Variants in WDR59 observed in about 807,000 individuals in gnomAD.
The protein encoded by WDR59 is WD repeat domain 59, also known as GATOR2 complex protein WDR59.
WDR59 carries 100 observed loss-of-function variants against 131.2 expected under a neutral mutation model. The observed-to-expected ratio is 0.76, with a 90% CI of 0.65 to 0.90. The LOEUF is 0.90. WDR59 is among the 40% of genes least tolerant of loss of function. The pLI, the probability that WDR59 is intolerant of heterozygous loss-of-function variation, is 0.00. For missense variants in WDR59, 1,203 were observed against 1,262.2 expected, an observed-to-expected ratio of 0.95 and a Z score of 0.71; for synonymous variants, 601 against 466.2, an observed-to-expected ratio of 1.29 and a Z score of -3.72.
At chr16:74,886,211 G>A in intron 24 of WDR59, 59 bp downstream of exon 24, 2 of 1,429,240 alleles carry the variant, frequency 1.4e-6, no homozygotes, top group Non-Finnish European at 1.9e-6. Context: ...TGATTGTGGA[G>A]AAACTGGAGT....
Position 74,888,176 on chromosome 16 carries a change from C to T in WDR59, c.2339G>A (p.Ser780Asn). The T allele has an allele frequency of 6.2e-7, 1 of 1,602,406 alleles. No homozygotes were observed. Among genetic ancestry groups the T allele is most frequent in the Non-Finnish European group, 8.5e-7 (1 of 1,176,774 alleles). ...NRSSNLVVSH[S>N]RYPSFTSSGS... Reference sequence around the variant, plus strand: ...AGAAAAGGACAAACTTACATATCGACTATGGGACACCACAAGATTAGAAGA... The same window carrying T: ...AGAAAAGGACAAACTTACATATCGATTATGGGACACCACAAGATTAGAAGA... The change falls in exon 22 of 26, where the codon AGT becomes AAT. Residue 780 changes from serine (S) to asparagine (N), a missense_variant. Ser to Asn is a conservative substitution (Grantham distance 46, BLOSUM62 1). Coordinates refer to ENST00000262144, the MANE Select transcript of WDR59 (RefSeq NM_030581.4).
chr16:74,944,392 G>C (rs2032452749), intron 6 of WDR59, among the ~76,000 whole-genome samples: 1 of 151,344 alleles, frequency 6.6e-6, no homozygotes, highest in African/African-American at 2.4e-5. Context: ...CTTGAACCTA[G>C]TAGGGGGAGG....
At chr16:74,889,584 A>T (rs1432753434) in intron 21 of WDR59, 119 bp downstream of exon 21, 1 of 712,686 alleles carries the variant, frequency 1.4e-6, no homozygotes, top group Non-Finnish European at 2.4e-6. Flanking sequence ...GAAAGATCCT[A>T]CTCCTTCCTT....
Position 74,889,801 on chromosome 16 carries a change from A to G in WDR59, c.2097T>C (p.Ala699=). The G allele has an allele frequency of 1.9e-6, 3 of 1,614,114 alleles. No individual in the cohort carries two copies. Among genetic ancestry groups the G allele is most frequent in the Non-Finnish European group, 2.5e-6 (3 of 1,179,958 alleles). The change falls in exon 21 of 26, where the codon GCT becomes GCC. Residue 699 remains alanine (A), a synonymous_variant. Transcript: ENST00000262144. ...RKDLVQVWSL[A]TVATDLCLGP... The stretch of plus-strand genomic sequence containing the variant: ...CAAGGCAAAGATCTGTAGCTACCGT[A>G]GCCAGCGACCAAACCTGGACAGATC...
rs1163294118 is a variant in WDR59, at chr16:74,917,929, C to A, written c.966G>T (p.Arg322Ser). Residue 322 changes from arginine (R) to serine (S), a missense_variant and splice_region_variant, in exon 11 of 26, where the codon AGG becomes AGT. Transcript: ENST00000262144. ...CTCCACAATAGCACTGCATACATACCCTCTGCATCTGGGAATCCACCCGCC... is the reference window on the plus strand; with the variant it reads ...CTCCACAATAGCACTGCATACATACACTCTGCATCTGGGAATCCACCCGCC... Reference protein sequence around the residue: ...RMWRVDSQMQRLCANDILDGV... With the variant: ...RMWRVDSQMQSLCANDILDGV... 2.5e-6 allele frequency: 4 copies of A among 1,613,174 alleles called. No homozygotes were observed. Among genetic ancestry groups the A allele is most frequent in the Non-Finnish European group, 1.7e-6 (2 of 1,179,298 alleles).
At chr16:74,911,410 T>G (rs1334718674) in intron 14 of WDR59, among the ~76,000 whole-genome samples, 1 of 152,164 alleles carries the variant, frequency 6.6e-6, no homozygotes. Flanking sequence ...CGACCCAAAC[T>G]GGACAAAAAA....
intron 3 of WDR59, among the ~76,000 whole-genome samples, chr16:74,955,100 G>A (rs775358092): frequency 9.8e-5 from 15 of 152,316 alleles, no homozygotes; most frequent in Admixed American, 5.2e-4. Context: ...ACTTTAAAAT[G>A]ATTAATTGTG....
chr16:74,875,525 TACCC>T (rs138791629), intron 25 of WDR59, among the ~76,000 whole-genome samples: 2,673 of 152,252 alleles, frequency 0.018, 60 homozygotes, highest in African/African-American at 0.057. Flanking sequence ...ATTTTCTCTC[TACCC>T]CAGTTCTTAG....
intron 18 of WDR59, among the ~76,000 whole-genome samples, chr16:74,900,571 C>T (rs73603937): frequency 0.016 from 2,391 of 152,190 alleles, 59 homozygotes; most frequent in African/African-American, 0.055. Context: ...TCTGATCTAC[C>T]CTAGGAATGA....
chr16:74,883,854 C>A (rs1597632474), intron 25 of WDR59, among the ~76,000 whole-genome samples: 1 of 152,204 alleles, frequency 6.6e-6, no homozygotes, highest in African/African-American at 2.4e-5. Flanking sequence ...CCCCAAATTC[C>A]CAGTTCTAGC....
At chr16:74,969,933 G>T (rs886255457) in intron 1 of WDR59, among the ~76,000 whole-genome samples, 9 of 150,834 alleles carry the variant, frequency 6.0e-5, no homozygotes, top group South Asian at 2.1e-4. Flanking sequence ...GATTTTGGGG[G>T]GTTTTCTTGA....
At chr16:74,880,296 A>C (rs1964416454) in intron 25 of WDR59, among the ~76,000 whole-genome samples, 1 of 151,860 alleles carries the variant, frequency 6.6e-6, no homozygotes, top group African/African-American at 2.4e-5. Flanking sequence ...AAATACAAAA[A>C]ATTAGCCAGG....
At chr16:74,928,615 C>T (rs2031094313) in intron 8 of WDR59, among the ~76,000 whole-genome samples, 1 of 151,958 alleles carries the variant, frequency 6.6e-6, no homozygotes, top group African/African-American at 2.4e-5. Flanking sequence ...TAAAATACTC[C>T]AATGAAATGG....
At chr16:74,877,453 A>G (rs1964270791) in intron 25 of WDR59, among the ~76,000 whole-genome samples, 3 of 152,186 alleles carry the variant, frequency 2.0e-5, no homozygotes, top group African/African-American at 7.2e-5. Context: ...GTTTTTTGTC[A>G]TGCTTTTGAA....
At chr16:74,953,386 T>A (rs1326068952) in intron 3 of WDR59, among the ~76,000 whole-genome samples, 2 of 151,288 alleles carry the variant, frequency 1.3e-5, no homozygotes, top group African/African-American at 4.9e-5. Context: ...GGCACGAGAA[T>A]TCCTTGAACC....
chr16:74,890,173 CAG>C (rs1964968480), intron 20 of WDR59, among the ~76,000 whole-genome samples: 2 of 152,168 alleles, frequency 1.3e-5, no homozygotes, highest in East Asian at 3.8e-4. Context: ...TTTTTTGAGA[CAG>C]AGTCTCGCTC....
At chr16:74,907,982 T>C (rs1298187579) in intron 17 of WDR59, among the ~76,000 whole-genome samples, 1 of 152,222 alleles carries the variant, frequency 6.6e-6, no homozygotes, top group Non-Finnish European at 1.5e-5. Flanking sequence ...TCTATATTCC[T>C]ATCTGCTACA....
intron 2 of WDR59, among the ~76,000 whole-genome samples, chr16:74,961,498 G>T (rs1309761208): frequency 6.6e-6 from 1 of 152,126 alleles, no homozygotes; most frequent in East Asian, 1.9e-4. Flanking sequence ...TCTGACTGGC[G>T]AGAGATGGTC....
rs892277312 is a variant in WDR59, at chr16:74,897,299, G to A, written c.1867-3487C>T. 8.5e-5 allele frequency among the ~76,000 whole-genome samples: 13 copies of A among 152,182 alleles called. No individual in the cohort carries two copies. In the South Asian group the frequency reaches 1.4e-3, roughly 17 times the overall value. ...AGACCAAGATGCTGCATTTCAGGCCGGGCACCTCACAGTGTTTAGGCTTTG... is the reference window on the plus strand; with the variant it reads ...AGACCAAGATGCTGCATTTCAGGCCAGGCACCTCACAGTGTTTAGGCTTTG... On this transcript the variant is annotated intron_variant, in intron 18 of 25. Coordinates refer to ENST00000262144, the MANE Select transcript of WDR59 (RefSeq NM_030581.4).
Sources: allele counts gnomAD v4.1 joint callset (sites outside exome capture counted in the v4.1 genomes callset), GRCh38; gene constraint gnomAD v4.1.1; transcripts MANE v1.5; gene names NCBI Gene and HGNC (gene_info 2026-07-23, HGNC 2026-07-21).